MINDY2: variants seen among roughly 807,000 people sequenced by gnomAD.
MINDY2 encodes the protein ubiquitin carboxyl-terminal hydrolase MINDY-2.
A neutral mutation model predicts 68.2 loss-of-function variants in MINDY2; 52 were observed. The ratio of observed to expected loss-of-function variants is 0.76; its 90% CI spans 0.61 to 0.96. The LOEUF (loss-of-function observed/expected upper bound fraction) is 0.96, where lower values mean the gene tolerates loss of function less well. Ranked by LOEUF, MINDY2 falls within the 40% of genes least tolerant of loss-of-function variation. MINDY2 has a pLI of 0.00. For synonymous variants in MINDY2, 372 were observed against 303.0 expected, an observed-to-expected ratio of 1.23 and a Z score of -2.36; for missense variants, 881 against 773.4, an observed-to-expected ratio of 1.14 and a Z score of -1.65.
intron 5 of MINDY2, among the ~76,000 whole-genome samples, chr15:58,824,827 G>T (rs2031292952): frequency 6.6e-6 from 1 of 151,832 alleles, no homozygotes; most frequent in East Asian, 1.9e-4. Flanking sequence ...GTGCCACCAT[G>T]CCCGACTAAT....
chr15:58,791,666 G>GTGTGTGTA (rs1555428870), intron 2 of MINDY2, among the ~76,000 whole-genome samples: 13 of 140,256 alleles, frequency 9.3e-5, no homozygotes, highest in African/African-American at 2.9e-4. Flanking sequence ...GTGTGTATGT[G>GTGTGTGTA]TGTGTGTGTA....
At chr15:58,804,746 G>A (rs1196727897) in intron 3 of MINDY2, among the ~76,000 whole-genome samples, 2 of 151,954 alleles carry the variant, frequency 1.3e-5, no homozygotes, top group Admixed American at 1.3e-4. Context: ...GGCAGAGGTT[G>A]CTGTGAGCCA....
chr15:58,795,703 C>T (rs544671549), intron 2 of MINDY2, among the ~76,000 whole-genome samples: 103 of 152,302 alleles, frequency 6.8e-4, no homozygotes, highest in Non-Finnish European at 1.1e-3. Flanking sequence ...TGCGCCCAGC[C>T]TATCGTATGT....
In MINDY2 at chr15:58,848,939, G is replaced by T. The variant is rs1412489154; in HGVS notation, c.1542+1469G>T. Among the ~76,000 whole-genome samples, 35 of 152,134 alleles carry T rather than the reference G, an allele frequency of 2.3e-4. 2 individuals carry two copies. The highest frequency in any genetic ancestry group is 2.3e-3 in the Admixed American group (35 of 15,264). On this transcript the variant is annotated intron_variant, in intron 7 of 8. Coordinates refer to ENST00000559228, the MANE Select transcript of MINDY2 (RefSeq NM_001040450.3). ...TATAAAAAATACTGGGCCAGGCAAG[G>T]TGGCTCACACCTATAATCCCAGCAC...
rs748744878 is a variant in MINDY2, at chr15:58,771,349, G to A, written c.-47G>A. 2.3e-4 allele frequency: 362 copies of A among 1,564,740 alleles called. 1 individual carries two copies. Among genetic ancestry groups the A allele is most frequent in the Non-Finnish European group, 6.2e-5 (72 of 1,158,042 alleles). Reference sequence around the variant, plus strand: ...TCATGGCGTCCAAGGCGCTGGCTGCGGAGAAGTGGCCGCGGTCTCCATAGA... The same window carrying A: ...TCATGGCGTCCAAGGCGCTGGCTGCAGAGAAGTGGCCGCGGTCTCCATAGA... On this transcript the variant is annotated 5_prime_UTR_variant, in exon 1 of 9. Transcript: ENST00000559228.
intron 5 of MINDY2, among the ~76,000 whole-genome samples, chr15:58,831,040 T>TATATATAC (rs2031691480): frequency 7.7e-6 from 1 of 129,866 alleles, no homozygotes; most frequent in Admixed American, 7.6e-5. Context: ...TGTGTGTGTG[T>TATATATAC]GTATATATAT....
chr15:58,793,802 A>G lies in MINDY2; in HGVS notation c.898+5839A>G, dbSNP rs576274556. On this transcript the variant is annotated intron_variant, in intron 2 of 8. Coordinates refer to ENST00000559228, the MANE Select transcript of MINDY2 (RefSeq NM_001040450.3). ...CAATGAAATAGGAAACAAAGTCATC[A>G]GCTGGGAGTGAGGATGAGGGGAGGA... Among the ~76,000 whole-genome samples, 111 of 152,298 alleles carry G rather than the reference A, an allele frequency of 7.3e-4. 1 individual carries two copies. The highest frequency in any genetic ancestry group is 3.8e-4 in the African/African-American group (16 of 41,570).
chr15:58,807,521 G>A (rs1903110131), intron 3 of MINDY2, among the ~76,000 whole-genome samples: 1 of 151,810 alleles, frequency 6.6e-6, no homozygotes, highest in Non-Finnish European at 1.5e-5. Context: ...CATCATGCCT[G>A]GCTAAAAGTT....
rs770712491 is a variant in MINDY2, at chr15:58,810,305, C to T, written c.1039C>T (p.Arg347Ter). The change falls in exon 4 of 9, where the codon CGA becomes TGA. Residue 347 changes from arginine (R) to a stop codon, truncating the protein, a stop_gained. Coordinates refer to ENST00000559228, the MANE Select transcript of MINDY2 (RefSeq NM_001040450.3). LOFTEE classifies it high-confidence loss of function. ...LDVNVRFTGVRVFEYTPECIV... is the reference protein window; with the variant it reads ...LDVNVRFTGV Reference sequence around the variant, plus strand: ...TGTAAATGTAAGATTCACTGGTGTTCGAGTGTTTGAATATACACCAGAATG... The same window carrying T: ...TGTAAATGTAAGATTCACTGGTGTTTGAGTGTTTGAATATACACCAGAATG... 5 of 1,613,560 alleles carry T rather than the reference C, an allele frequency of 3.1e-6. No individual in the cohort carries two copies. Among genetic ancestry groups the T allele is most frequent in the East Asian group, 2.2e-5 (1 of 44,852 alleles).
intron 2 of MINDY2, among the ~76,000 whole-genome samples, chr15:58,794,234 T>TA (rs1417713216): frequency 6.6e-6 from 1 of 152,090 alleles, no homozygotes; most frequent in Non-Finnish European, 1.5e-5. Context: ...AAGGAAAATG[T>TA]AATGAGATTA....
At chr15:58,778,709 C>A (rs201346518) in intron 1 of MINDY2, among the ~76,000 whole-genome samples, 1 of 151,948 alleles carries the variant, frequency 6.6e-6, no homozygotes, top group South Asian at 2.1e-4. Flanking sequence ...TCCGAATAGC[C>A]TCGACCTCCC....
chr15:58,795,711 T>A (rs1482949227), intron 2 of MINDY2, among the ~76,000 whole-genome samples: 2 of 152,178 alleles, frequency 1.3e-5, no homozygotes, highest in Non-Finnish European at 2.9e-5. Flanking sequence ...GCCTATCGTA[T>A]GTGTTTTTTT....
At chr15:58,828,575 CTTTTTTTT>C (rs1163905877) in intron 5 of MINDY2, among the ~76,000 whole-genome samples, 3 of 106,122 alleles carry the variant, frequency 2.8e-5, no homozygotes, top group South Asian at 3.1e-4. Context: ...TATTGAATTT[CTTTTTTTT>C]TTTTTTTTTT....
intron 3 of MINDY2, among the ~76,000 whole-genome samples, chr15:58,803,883 C>T (rs1234775699): frequency 1.8e-4 from 25 of 135,682 alleles, no homozygotes; most frequent in Admixed American, 9.9e-4. Flanking sequence ...CCAAGGCAGG[C>T]GGATCACGAG....
intron 5 of MINDY2, among the ~76,000 whole-genome samples, chr15:58,827,380 A>G (rs1302038989): frequency 6.6e-6 from 1 of 152,068 alleles, no homozygotes; most frequent in African/African-American, 2.4e-5. Context: ...ATTAGTTGTT[A>G]TTCTTCTGTA....
At chr15:58,808,515 CCT>C (rs1413004548) in intron 3 of MINDY2, among the ~76,000 whole-genome samples, 2 of 152,032 alleles carry the variant, frequency 1.3e-5, no homozygotes, top group East Asian at 3.9e-4. Context: ...ATTTAAGTTT[CCT>C]CTGTGTCTTT....
chr15:58,852,659 T>C (rs1187610501), intron 8 of MINDY2, among the ~76,000 whole-genome samples: 1 of 152,142 alleles, frequency 6.6e-6, no homozygotes, highest in Admixed American at 6.6e-5. Flanking sequence ...CCTCTACCTC[T>C]CTTAGCCTCA....
intron 1 of MINDY2, among the ~76,000 whole-genome samples, chr15:58,782,217 C>G (rs1901190486): frequency 6.6e-6 from 1 of 151,974 alleles, no homozygotes; most frequent in Admixed American, 6.6e-5. Context: ...TTTACAATTT[C>G]TACTAAAAAA....
At chr15:58,782,792 C>A (rs1306135951) in intron 1 of MINDY2, among the ~76,000 whole-genome samples, 1 of 151,544 alleles carries the variant, frequency 6.6e-6, no homozygotes, top group Admixed American at 6.6e-5. Flanking sequence ...TTTTTAAAGC[C>A]TTAGTTTATT....
Sources: allele counts gnomAD v4.1 joint callset (sites outside exome capture counted in the v4.1 genomes callset), GRCh38; gene constraint gnomAD v4.1.1; transcripts MANE v1.5; gene names NCBI Gene and HGNC (gene_info 2026-07-23, HGNC 2026-07-21).